STK40: variants seen among roughly 807,000 people sequenced by gnomAD.
STK40 encodes serine/threonine-protein kinase 40.
Under a neutral mutation model 47.9 loss-of-function variants are expected in STK40, and 13 were observed. That is an observed-to-expected ratio of 0.27 (90% CI 0.18 to 0.43). STK40 has a LOEUF of 0.43. Ranked by LOEUF, STK40 falls within the 20% of genes least tolerant of loss-of-function variation. STK40 has a pLI of 1.00. For synonymous variants in STK40, 225 were observed against 243.2 expected (o/e 0.93, Z 0.69); for missense variants, 460 against 595.1 (o/e 0.77, Z 2.36).
At position 36,341,394 on chromosome 1, in the gene STK40, G is replaced by A; in HGVS notation, c.*361C>T. ...TTGGACTGTGGGGAGCAGCGCCCCA[G>A]GTCAGTTGGTGGCCGCTGGGGAAGG... On this transcript the variant is annotated 3_prime_UTR_variant, in exon 11 of 11. Transcript: ENST00000373132. The A allele has an allele frequency of 4.3e-6, 1 of 232,088 alleles. No homozygotes were observed. The highest frequency in any genetic ancestry group is 5.5e-5 in the South Asian group (1 of 18,124). 14.4% of individuals were successfully genotyped at this position (232,088 alleles called of 1,614,324 possible).
intron 1 of STK40, among the ~76,000 whole-genome samples, chr1:36,369,045 C>T (rs746524038): frequency 2.0e-5 from 3 of 152,220 alleles, no homozygotes; most frequent in Non-Finnish European, 2.9e-5. Context: ...GGGTACACAG[C>T]CCACAGTGGC....
chr1:36,377,775 CT>C (rs1277309443), intron 1 of STK40, among the ~76,000 whole-genome samples: 1 of 152,164 alleles, frequency 6.6e-6, no homozygotes, highest in Non-Finnish European at 1.5e-5. Flanking sequence ...TGCCTGCCCC[CT>C]GGCATCCATA....
At chr1:36,345,982 TATATATA>T (rs1646696424) in intron 7 of STK40, among the ~76,000 whole-genome samples, 1 of 23,398 alleles carries the variant, frequency 4.3e-5, no homozygotes, top group African/African-American at 1.3e-4. Context: ...TATATATATA[TATATATA>T]TATTTTTTTT....
At chr1:36,352,833 G>A (rs946349496) in intron 6 of STK40, among the ~76,000 whole-genome samples, 1 of 152,242 alleles carries the variant, frequency 6.6e-6, no homozygotes, top group Admixed American at 6.5e-5. Flanking sequence ...CCAGAGGGTA[G>A]TGGGAACCAC....
intron 1 of STK40, 27 bp from the exon 2 acceptor site, chr1:36,361,367 C>G: frequency 6.2e-7 from 1 of 1,613,414 alleles, no homozygotes; most frequent in Non-Finnish European, 8.5e-7. Context: ...GACCCCTTCT[C>G]ACTGAGTAAG....
rs150869331 is a variant in STK40, at chr1:36,373,885, T to C, written c.-9+11838A>G. On this transcript the variant is annotated intron_variant, in intron 1 of 10. Coordinates refer to ENST00000373132, the MANE Select transcript of STK40 (RefSeq NM_001282547.2). ...GCTTCTAACCAGAGCTCTCTTTGTA[T>C]AGGATGACCCCACCCCCTGAGGCCT... Among the ~76,000 whole-genome samples the C allele has an allele frequency of 4.4e-3, 667 of 152,318 alleles. 4 individuals carry two copies. The highest frequency in any genetic ancestry group is 9.7e-3 in the South Asian group (47 of 4,830).
intron 1 of STK40, among the ~76,000 whole-genome samples, chr1:36,383,495 C>T (rs1370771926): frequency 6.6e-6 from 1 of 152,226 alleles, no homozygotes; most frequent in Non-Finnish European, 1.5e-5. Context: ...GCTTCCTCAG[C>T]AAAGATCCAT....
At chr1:36,364,770 G>A (rs957026655) in intron 1 of STK40, among the ~76,000 whole-genome samples, 51 of 151,924 alleles carry the variant, frequency 3.4e-4, no homozygotes, top group Admixed American at 9.8e-4. Flanking sequence ...ACCAGCCTGG[G>A]CAACGTTGCG....
At chr1:36,379,021 C>G (rs1044858786) in intron 1 of STK40, among the ~76,000 whole-genome samples, 3 of 152,178 alleles carry the variant, frequency 2.0e-5, no homozygotes, top group Non-Finnish European at 4.4e-5. Context: ...GCACTGCTGT[C>G]CCCTCAACAC....
chr1:36,383,514 C>A (rs1234681654), intron 1 of STK40, among the ~76,000 whole-genome samples: 1 of 152,248 alleles, frequency 6.6e-6, no homozygotes, highest in African/African-American at 2.4e-5. Context: ...ATCGCCCCAG[C>A]ACCAACTCTC....
chr1:36,366,170 G>C (rs1646900033), intron 1 of STK40: 2 of 152,120 alleles, frequency 1.3e-5, no homozygotes, highest in Admixed American at 1.3e-4. Flanking sequence ...TGTAGACGCT[G>C]CCTACGCGCC....
chr1:36,366,405 C>A (rs1197062539), intron 1 of STK40, among the ~76,000 whole-genome samples: 2 of 152,162 alleles, frequency 1.3e-5, no homozygotes, highest in African/African-American at 4.8e-5. Context: ...TCCCTTCCTG[C>A]CACCCCTTCA....
intron 1 of STK40, among the ~76,000 whole-genome samples, chr1:36,370,501 G>A (rs1646936004): frequency 6.6e-6 from 1 of 152,208 alleles, no homozygotes; most frequent in Non-Finnish European, 1.5e-5. Context: ...CACCTGGGGT[G>A]AAATGACAAC....
chr1:36,358,457 A>G (rs1449497048), intron 3 of STK40, 75 bp from the exon 4 acceptor site: 47 of 1,527,104 alleles, frequency 3.1e-5, no homozygotes, highest in Non-Finnish European at 2.5e-5. Context: ...GAACGGGGGA[A>G]GCAGGGGGCT....
intron 1 of STK40, chr1:36,365,903 A>G (rs970943645): frequency 6.6e-6 from 1 of 152,248 alleles, no homozygotes; most frequent in South Asian, 2.1e-4. Context: ...ACAAATGTAT[A>G]AACATATATA....
At position 36,382,423 on chromosome 1, in the gene STK40, C is replaced by T. The variant is rs184989316; in HGVS notation, c.-9+3300G>A. 2.1e-3 allele frequency among the ~76,000 whole-genome samples: 326 copies of T among 152,294 alleles called. 1 individual carries two copies. Among genetic ancestry groups the T allele is most frequent in the African/African-American group, 7.3e-3 (304 of 41,566 alleles). ...TGAACTCCTAGGCTCAAGCGATCTG[C>T]CCATCTCGGCCTCCCAAAGTGCAGG... On this transcript the variant is annotated intron_variant, in intron 1 of 10. Transcript: ENST00000373132.
At chr1:36,359,240 C>T (rs1378242003) in intron 2 of STK40, among the ~76,000 whole-genome samples, 2 of 152,056 alleles carry the variant, frequency 1.3e-5, no homozygotes, top group Non-Finnish European at 2.9e-5. Flanking sequence ...GACTTCTTCT[C>T]TACAAAAAAT....
chr1:36,341,705 G>A lies in STK40; in HGVS notation c.*50C>T. ...CCCAGCCCTGACAGCCACGCCTTTG[G>A]CTGGGGCTGGAAGAAGTGGCAGCAG... On this transcript the variant is annotated 3_prime_UTR_variant, in exon 11 of 11. Transcript: ENST00000373132. The A allele has an allele frequency of 1.3e-6, 2 of 1,599,058 alleles. No individual in the cohort carries two copies. Among genetic ancestry groups the A allele is most frequent in the Admixed American group, 1.7e-5 (1 of 59,686 alleles).
intron 1 of STK40, among the ~76,000 whole-genome samples, chr1:36,378,717 G>A (rs1283029921): frequency 3.3e-5 from 5 of 152,094 alleles, no homozygotes; most frequent in Admixed American, 6.5e-5. Flanking sequence ...TCGGCCTCCC[G>A]AAGTGTTGAG....
Sources: allele counts gnomAD v4.1 joint callset (sites outside exome capture counted in the v4.1 genomes callset), GRCh38; gene constraint gnomAD v4.1.1; transcripts MANE v1.5; gene names NCBI Gene and HGNC (gene_info 2026-07-23, HGNC 2026-07-21).